Variants in BCAR1 observed in about 807,000 individuals in gnomAD.
The protein encoded by BCAR1 is breast cancer anti-estrogen resistance protein 1.
Under a neutral mutation model 67.6 loss-of-function variants are expected in BCAR1, and 30 were observed. The ratio of observed to expected loss-of-function variants is 0.44; its 90% confidence interval spans 0.33 to 0.60. BCAR1 has a LOEUF of 0.60. Ranked by LOEUF, BCAR1 falls within the 20% of genes least tolerant of loss-of-function variation. BCAR1 has a pLI of 0.02. For missense variants in BCAR1, 1,313 were observed against 1,222.3 expected (o/e 1.07, Z -1.11); for synonymous variants, 626 against 556.7 (o/e 1.12, Z -1.75).
At chr16:75,267,626 G>A (rs1354304561) in intron 1 of BCAR1, among the ~76,000 whole-genome samples, 1 of 151,292 alleles carries the variant, frequency 6.6e-6, no homozygotes, top group Admixed American at 6.6e-5. Context: ...TCCTCGCCCA[G>A]ACCCCACCTC....
At chr16:75,238,511 T>C (rs961923948) in intron 2 of BCAR1, 1 of 993,466 alleles carries the variant, frequency 1.0e-6, no homozygotes. Context: ...CCAGCCCTGC[T>C]TGCTGAGGGT....
chr16:75,239,166 A>C (rs958858615), intron 2 of BCAR1: 1 of 943,276 alleles, frequency 1.1e-6, no homozygotes, highest in Non-Finnish European at 1.3e-6. Context: ...TAGGGGAATG[A>C]CTCAGCCCCA....
rs901175035 is a variant in BCAR1, at chr16:75,258,130, C to T, written c.66+9785G>A. 2.0e-5 allele frequency among the ~76,000 whole-genome samples: 3 copies of T among 152,352 alleles called. No individual in the cohort carries two copies. In the East Asian group the frequency reaches 5.8e-4, roughly 29 times the overall value. On this transcript the variant is annotated intron_variant, in intron 1 of 6. Coordinates refer to the BCAR1 transcript ENST00000393422. Reference sequence around the variant, plus strand: ...TGCGCCATCACACACTGGCCCCACCCCGCTGGGCACCAGGGCGCACCTTCC... The same window carrying T: ...TGCGCCATCACACACTGGCCCCACCTCGCTGGGCACCAGGGCGCACCTTCC...
At chr16:75,243,197 A>T in intron 1 of BCAR1, 107 bp from the exon 2 acceptor site, 3 of 1,202,152 alleles carry the variant, frequency 2.5e-6, no homozygotes, top group Non-Finnish European at 3.5e-6. Context: ...TGATACTAGG[A>T]AAAGAACTCA....
intron 1 of BCAR1, chr16:75,266,603 A>G (rs974157289): frequency 5.6e-5 from 40 of 713,754 alleles, no homozygotes; most frequent in Non-Finnish European, 7.7e-5. Flanking sequence ...CACACATGGC[A>G]CCTGCAGCCA....
upstream of BCAR1, chr16:75,252,400 TG>T: frequency 6.8e-7 from 1 of 1,473,766 alleles, no homozygotes; most frequent in Non-Finnish European, 9.0e-7. Context: ...AGAGCGGCAC[TG>T]GGGGAATGAG....
intron 2 of BCAR1, chr16:75,238,092 A>T: frequency 1.6e-6 from 2 of 1,288,856 alleles, no homozygotes; most frequent in Non-Finnish European, 2.0e-6. Context: ...TGCTCTTACC[A>T]TGACCCAGAG....
chr16:75,232,398 G>T (rs1206886332), intron 6 of BCAR1, among the ~76,000 whole-genome samples: 1 of 152,160 alleles, frequency 6.6e-6, no homozygotes, highest in African/African-American at 2.4e-5. Context: ...GACCTCAAGT[G>T]ATCTGCCCGC....
At chr16:75,263,419 A>G in intron 1 of BCAR1, 1 of 985,406 alleles carries the variant, frequency 1.0e-6, no homozygotes, top group Non-Finnish European at 1.2e-6. Context: ...GAATACCCAC[A>G]GGGTGTCCAG....
chr16:75,238,432 C>T (rs1169666822), intron 2 of BCAR1: 17 of 1,027,668 alleles, frequency 1.7e-5, no homozygotes, highest in Non-Finnish European at 2.3e-6. Flanking sequence ...GGCAGCAGCG[C>T]CAAAGCAGCC....
rs771482002 is a variant in BCAR1, at chr16:75,229,607, C to T, written c.2517G>A (p.Ser839=). The change falls in exon 7 of 7, where the codon TCG becomes TCA. Residue 839 remains serine, a synonymous_variant. Transcript: ENST00000162330. Reference sequence around the variant, plus strand: ...CCACCATGTCCTGGGCCGCGGAAGGCGATGGGTACTGCAAGGCAGCGGCCT... The same window carrying T: ...CCACCATGTCCTGGGCCGCGGAAGGTGATGGGTACTGCAAGGCAGCGGCCT... ...TTKAAALQYP[S]PSAAQDMVER... 40 of 1,612,136 alleles carry T rather than the reference C, an allele frequency of 2.5e-5. No individual in the cohort carries two copies. The highest frequency in any genetic ancestry group is 3.3e-4 in the Middle Eastern group (2 of 6,042).
At position 75,237,458 on chromosome 16, in the gene BCAR1, G is replaced by C. The variant is rs563155784; in HGVS notation, c.634-114C>G. 1.3e-5 allele frequency: 17 copies of C among 1,274,460 alleles called. No homozygotes were observed. The African/African-American group carries it at 2.7e-4, about 20-fold the overall frequency. 78.9% of individuals were successfully genotyped at this position (1,274,460 alleles called of 1,614,324 possible). ...GGTGGGCAGGGCACACCAGGTGGAA[G>C]GGACGGGGCTCCCCAAGGATGCCAG... is the stretch of plus-strand genomic sequence containing the variant. On this transcript the variant is annotated intron_variant, in intron 2 of 6. Coordinates refer to ENST00000162330, the MANE Select transcript of BCAR1 (RefSeq NM_014567.5).
chr16:75,253,216 C>G (rs1480292443), upstream of BCAR1, among the ~76,000 whole-genome samples: 1 of 152,208 alleles, frequency 6.6e-6, no homozygotes, highest in Non-Finnish European at 1.5e-5. Flanking sequence ...TGCACCCTGA[C>G]CCTGTCCAGC....
At chr16:75,260,690 A>G (rs2077888734) in intron 1 of BCAR1, among the ~76,000 whole-genome samples, 2 of 152,080 alleles carry the variant, frequency 1.3e-5, no homozygotes, top group African/African-American at 4.8e-5. Context: ...ACATTTCACG[A>G]CATGTAAAAT....
intron 2 of BCAR1, among the ~76,000 whole-genome samples, chr16:75,241,938 T>C (rs1201824036): frequency 6.6e-6 from 1 of 152,074 alleles, no homozygotes; most frequent in African/African-American, 2.4e-5. Context: ...CCTCTAGCAA[T>C]CTCAGGGGCA....
chr16:75,244,410 G>A (rs1207887423), intron 1 of BCAR1, among the ~76,000 whole-genome samples: 1 of 152,248 alleles, frequency 6.6e-6, no homozygotes, highest in Non-Finnish European at 1.5e-5. Context: ...AGAGGAGTGG[G>A]GGTGAGGCCT....
intron 6 of BCAR1, among the ~76,000 whole-genome samples, chr16:75,230,722 C>T (rs2151387866): frequency 6.6e-6 from 1 of 152,328 alleles, no homozygotes; most frequent in East Asian, 1.9e-4. Context: ...AAGCTCTGTG[C>T]CACCCTAGGC....
chr16:75,234,772 G>C (rs2077040089), intron 5 of BCAR1, 117 bp downstream of exon 5: 2 of 1,431,476 alleles, frequency 1.4e-6, no homozygotes, highest in Non-Finnish European at 1.9e-6. Flanking sequence ...AGGTCAAAGT[G>C]AGAGGAGGGT....
At chr16:75,238,594 GC>G in intron 2 of BCAR1, 2 of 989,184 alleles carry the variant, frequency 2.0e-6, no homozygotes, top group Non-Finnish European at 2.4e-6. Context: ...GCCTGGCAGA[GC>G]CCCCCGCAGC....
Sources: allele counts gnomAD v4.1 joint callset (sites outside exome capture counted in the v4.1 genomes callset), GRCh38; gene constraint gnomAD v4.1.1; transcripts MANE v1.5; gene names NCBI Gene and HGNC (gene_info 2026-07-23, HGNC 2026-07-21).